The following ADAMTS17 variants were observed in gnomAD, a reference collection of about 807,000 sequenced individuals.
The protein encoded by ADAMTS17 is ADAM metallopeptidase with thrombospondin type 1 motif 17, also known as A disintegrin and metalloproteinase with thrombospondin motifs 17.
Under a neutral mutation model 141.5 loss-of-function variants are expected in ADAMTS17, and 113 were observed. That is an observed-to-expected ratio of 0.80 (90% confidence interval 0.69 to 0.93). The LOEUF (loss-of-function observed/expected upper bound fraction) is 0.93. ADAMTS17 is among the 40% of genes least tolerant of loss of function. ADAMTS17 has a pLI of 0.00. For synonymous variants in ADAMTS17, 768 were observed against 630.6 expected (o/e 1.22, Z -3.27); for missense variants, 1,659 against 1,517.9 (o/e 1.09, Z -1.54).
At position 100,155,270 on chromosome 15, in the gene ADAMTS17, T is replaced by C; in HGVS notation, c.1232A>G (p.His411Arg). The C allele has an allele frequency of 6.2e-7, 1 of 1,614,222 alleles. No individual in the cohort carries two copies. Among genetic ancestry groups the C allele is most frequent in the Non-Finnish European group, 8.5e-7 (1 of 1,180,038 alleles). The change falls in exon 9 of 22, where the codon CAC (histidine) becomes CGC (arginine). Residue 411 changes from histidine (H) to arginine (R), a missense_variant. Coordinates refer to ENST00000268070, the MANE Select transcript of ADAMTS17 (RefSeq NM_139057.4). ...TTTCACCCACTCTCCTGACATGATG[T>C]GGGACCTGCCAGCGCAAGATGAGTG... ...DDHSSCAGRS[H>R]IMSGEWVKGR...
rs79676767 is a variant in ADAMTS17 at position 100,175,441 on chromosome 15, G to A, written c.1182-20121C>T. The stretch of plus-strand genomic sequence containing the variant: ...GTAGAGCGCTCATGCATCTACAAAC[G>A]TCGTATGCCCCCCAGTCCCATGTTA... On this transcript the variant is annotated intron_variant, in intron 8 of 21. Transcript: ENST00000268070. Among the ~76,000 whole-genome samples, 604 of 152,194 alleles carry A rather than the reference G, an allele frequency of 4.0e-3. 7 individuals are homozygous for A. The highest frequency in any genetic ancestry group is 8.5e-3 in the African/African-American group (352 of 41,522).
chr15:100,139,240 A>G (rs1363375451), intron 10 of ADAMTS17, among the ~76,000 whole-genome samples: 2 of 152,214 alleles, frequency 1.3e-5, no homozygotes, highest in African/African-American at 2.4e-5. Flanking sequence ...AATCTAAAAA[A>G]ATTATCAGGG....
Position 100,008,802 on chromosome 15 carries a change from C to G in ADAMTS17, c.2592-11213G>C, listed in dbSNP as rs530810242. ...TGGTGGGTCAGCCCTGTGACTCTAACACACATGTGGTCACCCCTCCAGTTT... is the reference window on the plus strand; with the variant it reads ...TGGTGGGTCAGCCCTGTGACTCTAAGACACATGTGGTCACCCCTCCAGTTT... On this transcript the variant is annotated intron_variant, in intron 18 of 21. Coordinates refer to ENST00000268070, the MANE Select transcript of ADAMTS17 (RefSeq NM_139057.4). Among the ~76,000 whole-genome samples the G allele has an allele frequency of 1.2e-4, 18 of 152,322 alleles. No homozygotes were observed. The South Asian group carries it at 3.5e-3, about 30-fold the overall frequency.
chr15:99,981,371 C>T (rs1438960480), intron 20 of ADAMTS17, among the ~76,000 whole-genome samples: 1 of 152,318 alleles, frequency 6.6e-6, no homozygotes, highest in African/African-American at 2.4e-5. Context: ...AGGTGTGAGG[C>T]AGTTCTGAGG....
At chr15:100,024,833 A>C (rs1261696378) in intron 18 of ADAMTS17, among the ~76,000 whole-genome samples, 1 of 152,200 alleles carries the variant, frequency 6.6e-6, no homozygotes, top group Non-Finnish European at 1.5e-5. Flanking sequence ...CCTGCCGGTC[A>C]ATGTTTCCTT....
rs113333265 is a variant in ADAMTS17, at chr15:100,127,432, A to G, written c.1721+4575T>C. 2.7e-3 allele frequency among the ~76,000 whole-genome samples: 405 copies of G among 152,256 alleles called. 2 individuals carry two copies. The highest frequency in any genetic ancestry group is 9.2e-3 in the African/African-American group (381 of 41,546). On this transcript the variant is annotated intron_variant, in intron 12 of 21. Transcript: ENST00000268070. Reference sequence around the variant, plus strand: ...TTGCCGGGAGCCACGAAACGGATTCACCTTTGGAGTTTCAAGAAGGAAGCA... The same window carrying G: ...TTGCCGGGAGCCACGAAACGGATTCGCCTTTGGAGTTTCAAGAAGGAAGCA...
chr15:100,094,389 A>G (rs192619688), intron 15 of ADAMTS17, among the ~76,000 whole-genome samples: 9 of 152,312 alleles, frequency 5.9e-5, no homozygotes, highest in Non-Finnish European at 1.0e-4. Flanking sequence ...TGGAGAAGGG[A>G]AAGGGGTGAG....
At chr15:100,162,488 T>G (rs1447889290) in intron 8 of ADAMTS17, among the ~76,000 whole-genome samples, 2 of 132,196 alleles carry the variant, frequency 1.5e-5, no homozygotes, top group Admixed American at 1.6e-4. Flanking sequence ...TGTATATATA[T>G]GCACATATAC....
chr15:99,994,160 G>A (rs1183097753), intron 19 of ADAMTS17, among the ~76,000 whole-genome samples: 1 of 152,138 alleles, frequency 6.6e-6, no homozygotes, highest in Non-Finnish European at 1.5e-5. Flanking sequence ...TCACAAACAA[G>A]TTGGCCCTGG....
chr15:100,238,565 G>C (rs1596337872), intron 7 of ADAMTS17, among the ~76,000 whole-genome samples: 2 of 152,180 alleles, frequency 1.3e-5, no homozygotes, highest in Non-Finnish European at 2.9e-5. Context: ...GAAAACACAG[G>C]GTAAAAGCAA....
intron 12 of ADAMTS17, among the ~76,000 whole-genome samples, chr15:100,124,746 G>T (rs564307282): frequency 1.5e-3 from 224 of 150,810 alleles, no homozygotes; most frequent in African/African-American, 5.2e-3. Context: ...AAAAGAGTAA[G>T]GTAGAGAGGC....
intron 1 of ADAMTS17, 83 bp downstream of exon 1, chr15:100,341,738 C>T: frequency 1.4e-6 from 2 of 1,479,802 alleles, no homozygotes; most frequent in Non-Finnish European, 9.0e-7. Context: ...CCGCCGCCCC[C>T]GGGCCGCCAG....
intron 12 of ADAMTS17, among the ~76,000 whole-genome samples, chr15:100,131,581 C>T (rs937618094): frequency 1.3e-5 from 2 of 152,114 alleles, no homozygotes; most frequent in Non-Finnish European, 2.9e-5. Context: ...CAGGAGGACC[C>T]ATGGCAAATA....
At chr15:100,090,734 G>A (rs1328541057) in intron 15 of ADAMTS17, among the ~76,000 whole-genome samples, 1 of 152,164 alleles carries the variant, frequency 6.6e-6, no homozygotes, top group Non-Finnish European at 1.5e-5. Flanking sequence ...CCAGCTGGGC[G>A]CAGTGGCTCA....
intron 15 of ADAMTS17, among the ~76,000 whole-genome samples, chr15:100,086,474 C>T (rs577782056): frequency 2.0e-5 from 3 of 152,198 alleles, no homozygotes; most frequent in Non-Finnish European, 2.9e-5. Context: ...AGGAATTGAA[C>T]TCAGCTCTGC....
intron 18 of ADAMTS17, among the ~76,000 whole-genome samples, chr15:100,006,265 TC>T (rs1218950579): frequency 6.6e-6 from 1 of 152,150 alleles, no homozygotes; most frequent in Non-Finnish European, 1.5e-5. Context: ...CCACATATTC[TC>T]AGGTTCTACG....
intron 10 of ADAMTS17, among the ~76,000 whole-genome samples, chr15:100,134,579 G>A (rs962772869): frequency 1.6e-4 from 24 of 152,294 alleles, no homozygotes; most frequent in Middle Eastern, 3.4e-3. Context: ...AAAGGGTGTC[G>A]AGTTCAGTTT....
chr15:100,111,498 C>T (rs990560619), intron 13 of ADAMTS17, among the ~76,000 whole-genome samples: 7 of 152,216 alleles, frequency 4.6e-5, no homozygotes, highest in African/African-American at 1.7e-4. Context: ...CCTCTGGAGC[C>T]CTGAGGTTCC....
At chr15:100,019,366 C>T (rs553810387) in intron 18 of ADAMTS17, among the ~76,000 whole-genome samples, 2 of 152,188 alleles carry the variant, frequency 1.3e-5, no homozygotes, top group South Asian at 2.1e-4. Context: ...TATGACTTAA[C>T]GGATGTGAAA....
Sources: allele counts gnomAD v4.1 joint callset (sites outside exome capture counted in the v4.1 genomes callset), GRCh38; gene constraint gnomAD v4.1.1; transcripts MANE v1.5; gene names NCBI Gene and HGNC (gene_info 2026-07-23, HGNC 2026-07-21).